HMGCLL1: variants seen among roughly 807,000 people sequenced by gnomAD.
The protein encoded by HMGCLL1 is 3-hydroxymethyl-3-methylglutaryl-CoA lyase, cytoplasmic.
In HMGCLL1, 36 loss-of-function variants were observed where a neutral mutation model predicts 39.1. The observed-to-expected ratio is 0.92, with a 90% CI of 0.71 to 1.22. HMGCLL1 has a LOEUF of 1.22. Ranked by LOEUF, HMGCLL1 falls within the 50% of genes most tolerant of loss-of-function variation. The pLI, the probability that HMGCLL1 is intolerant of heterozygous loss-of-function variation, is 0.00. For synonymous variants in HMGCLL1, 149 were observed against 144.0 expected (o/e 1.03, Z -0.25); for missense variants, 451 against 416.5 (o/e 1.08, Z -0.72).
chr6:55,577,654 A>G (rs1485243835), intron 1 of HMGCLL1, among the ~76,000 whole-genome samples: 1 of 152,222 alleles, frequency 6.6e-6, no homozygotes, highest in East Asian at 1.9e-4. Context: ...AGAGAGAAAT[A>G]TAATATTCAC....
At chr6:55,601,152 T>C in the HMGCLL1 span, among the ~76,000 whole-genome samples, 11 of 152,176 alleles carry the variant, frequency 7.2e-5, no homozygotes, top group Non-Finnish European at 1.5e-4. Context: ...CAGTGCCATA[T>C]AACAATGAAA....
At chr6:55,666,495 A>G in the HMGCLL1 span, among the ~76,000 whole-genome samples, 1 of 151,626 alleles carries the variant, frequency 6.6e-6, no homozygotes, top group African/African-American at 2.4e-5. Flanking sequence ...AAAAAATTAC[A>G]TGTTATTGCA....
At chr6:55,510,978 C>CT (rs1767429588) in intron 5 of HMGCLL1, among the ~76,000 whole-genome samples, 2 of 151,778 alleles carry the variant, frequency 1.3e-5, no homozygotes, top group South Asian at 4.1e-4. Flanking sequence ...CTGATAATCA[C>CT]TTTAGACAAA....
intron 1 of HMGCLL1, chr6:55,577,296 C>G: frequency 7.8e-7 from 1 of 1,285,120 alleles, no homozygotes. Flanking sequence ...TAAAAATTCC[C>G]GAGAACACAA....
chr6:55,579,147 G>T lies in HMGCLL1; in HGVS notation c.-92C>A. ...GCTGGGAAACTGCGCCAGCTCGGGA[G>T]CGCGCCCCTCCGGTGCACTGGCTGT... On this transcript the variant is annotated 5_prime_UTR_variant, in exon 1 of 9. Transcript: ENST00000274901. The T allele has an allele frequency of 1.0e-6, 1 of 953,164 alleles. No homozygotes were observed. The highest frequency in any genetic ancestry group is 1.4e-5 in the South Asian group (1 of 71,818). The allele number at this position is 953,164 out of a possible 1,614,324, so 59.0% of individuals were successfully genotyped here.
chr6:55,506,562 T>C (rs1767174564), intron 5 of HMGCLL1, among the ~76,000 whole-genome samples: 1 of 151,696 alleles, frequency 6.6e-6, no homozygotes, highest in East Asian at 1.9e-4. Flanking sequence ...TGGGCCACTC[T>C]GAATAACATG....
chr6:55,672,302 A>G, the HMGCLL1 span, among the ~76,000 whole-genome samples: 2 of 151,256 alleles, frequency 1.3e-5, no homozygotes, highest in South Asian at 2.1e-4. Context: ...TGTCATCTGT[A>G]TCTTCTAGAA....
the HMGCLL1 span, among the ~76,000 whole-genome samples, chr6:55,660,076 G>A: frequency 6.6e-5 from 10 of 151,696 alleles, no homozygotes; most frequent in Non-Finnish European, 1.0e-4. Context: ...ATTAGGGAGG[G>A]AGTCAACTCA....
At chr6:55,456,123 C>T (rs935258670) in intron 7 of HMGCLL1, among the ~76,000 whole-genome samples, 1 of 152,070 alleles carries the variant, frequency 6.6e-6, no homozygotes, top group African/African-American at 2.4e-5. Flanking sequence ...ACCATGATGG[C>T]CAGTGCTAAT....
chr6:55,607,495 C>A, the HMGCLL1 span, among the ~76,000 whole-genome samples: 2 of 152,122 alleles, frequency 1.3e-5, no homozygotes, highest in Non-Finnish European at 2.9e-5. Flanking sequence ...AGCTGTCAGT[C>A]TCTTCAGGGA....
chr6:55,554,675 G>C (rs966925594), intron 1 of HMGCLL1, among the ~76,000 whole-genome samples: 3 of 152,036 alleles, frequency 2.0e-5, no homozygotes, highest in African/African-American at 7.2e-5. Flanking sequence ...GGGGACTTAG[G>C]CATTTAGAGG....
intron 7 of HMGCLL1, among the ~76,000 whole-genome samples, chr6:55,482,563 T>A (rs917020780): frequency 6.6e-6 from 1 of 152,200 alleles, no homozygotes; most frequent in Non-Finnish European, 1.5e-5. Context: ...ACATTTTCTT[T>A]CCTTTCAGAA....
intron 1 of HMGCLL1, among the ~76,000 whole-genome samples, chr6:55,546,612 C>G (rs926529019): frequency 6.6e-6 from 1 of 152,084 alleles, no homozygotes; most frequent in African/African-American, 2.4e-5. Flanking sequence ...GATCTGGAAG[C>G]AACTGTGAGG....
the HMGCLL1 span, among the ~76,000 whole-genome samples, chr6:55,632,163 T>C: frequency 6.6e-6 from 1 of 152,118 alleles, no homozygotes; most frequent in East Asian, 1.9e-4. Context: ...ATGTAGGTTA[T>C]AATTTGTACT....
chr6:55,612,518 G>A, the HMGCLL1 span, among the ~76,000 whole-genome samples: 4 of 152,124 alleles, frequency 2.6e-5, no homozygotes, highest in Non-Finnish European at 5.9e-5. Context: ...AAGGAACAAA[G>A]CTGGAGGCAT....
chr6:55,646,354 A>G, the HMGCLL1 span, among the ~76,000 whole-genome samples: 1 of 151,120 alleles, frequency 6.6e-6, no homozygotes, highest in Non-Finnish European at 1.5e-5. Context: ...TTATTTCATT[A>G]ATCTTTTATA....
chr6:55,446,408 AT>A (rs1237659941), intron 7 of HMGCLL1, among the ~76,000 whole-genome samples: 1 of 151,634 alleles, frequency 6.6e-6, no homozygotes, highest in African/African-American at 2.4e-5. Flanking sequence ...TAAGTTCACA[AT>A]TAAAGCTATT....
At chr6:55,487,878 C>T (rs1417263873) in intron 7 of HMGCLL1, among the ~76,000 whole-genome samples, 1 of 152,020 alleles carries the variant, frequency 6.6e-6, no homozygotes, top group Non-Finnish European at 1.5e-5. Context: ...CCCAGGTTTG[C>T]TTCCAAGTAT....
chr6:55,565,355 T>C (rs1352343763), intron 1 of HMGCLL1, among the ~76,000 whole-genome samples: 1 of 152,126 alleles, frequency 6.6e-6, no homozygotes, highest in Non-Finnish European at 1.5e-5. Flanking sequence ...ATTATTTTGC[T>C]ACTTGGTAAA....
Sources: allele counts gnomAD v4.1 joint callset (sites outside exome capture counted in the v4.1 genomes callset), GRCh38; gene constraint gnomAD v4.1.1; transcripts MANE v1.5; gene names NCBI Gene and HGNC (gene_info 2026-07-23, HGNC 2026-07-21).